WDR27: variants seen among roughly 807,000 people sequenced by gnomAD.
The protein encoded by WDR27 is WD repeat-containing protein 27.
WDR27 carries 100 observed loss-of-function variants against 114.4 expected under a neutral mutation model. The ratio of observed to expected loss-of-function variants is 0.87; its 90% CI spans 0.74 to 1.03. WDR27 has a LOEUF of 1.03. Among genes scored for constraint, WDR27 ranks in the 50% least tolerant of loss-of-function variants. The pLI is 0.00. For missense variants in WDR27, 1,129 were observed against 1,092.9 expected (o/e 1.03, Z -0.47); for synonymous variants, 449 against 423.1 (o/e 1.06, Z -0.75).
At chr6:169,513,979 A>C (rs576313360) in intron 25 of WDR27, among the ~76,000 whole-genome samples, 1 of 152,264 alleles carries the variant, frequency 6.6e-6, no homozygotes, top group African/African-American at 2.4e-5. Flanking sequence ...CTCTTATCTC[A>C]GAACTGCGGG....
chr6:169,500,877 C>T (rs1369298297), intron 25 of WDR27, among the ~76,000 whole-genome samples: 1 of 152,210 alleles, frequency 6.6e-6, no homozygotes, highest in Non-Finnish European at 1.5e-5. Context: ...AGCCCAGGGC[C>T]CCGTGCAGGG....
intron 25 of WDR27, among the ~76,000 whole-genome samples, chr6:169,560,223 C>T (rs1799494603): frequency 6.6e-6 from 1 of 152,144 alleles, no homozygotes; most frequent in Non-Finnish European, 1.5e-5. Flanking sequence ...ATGGTTTTAG[C>T]AGGGATTTCT....
At chr6:169,647,715 G>C in intron 16 of WDR27, 58 bp downstream of exon 16, 1 of 1,324,190 alleles carries the variant, frequency 7.6e-7, no homozygotes. Context: ...TTTACAGTGG[G>C]CAGAATCAAA....
intron 25 of WDR27, among the ~76,000 whole-genome samples, chr6:169,514,176 CACATAT>C (rs1180771616): frequency 6.6e-6 from 1 of 151,808 alleles, no homozygotes; most frequent in Admixed American, 6.6e-5. Flanking sequence ...TATATACATA[CACATAT>C]ACATATATAG....
At chr6:169,610,052 C>T (rs904576135) in intron 22 of WDR27, among the ~76,000 whole-genome samples, 2 of 152,184 alleles carry the variant, frequency 1.3e-5, no homozygotes, top group African/African-American at 4.8e-5. Flanking sequence ...TCCCTCATCT[C>T]CATCTGAGAC....
At chr6:169,661,727 G>C (rs945417675) in intron 9 of WDR27, among the ~76,000 whole-genome samples, 4 of 152,138 alleles carry the variant, frequency 2.6e-5, no homozygotes, top group African/African-American at 9.7e-5. Flanking sequence ...ACCAAGCAGG[G>C]AATATTCTGC....
chr6:169,631,271 C>T lies in WDR27; in HGVS notation c.2223+1676G>A, dbSNP rs75179151. On this transcript the variant is annotated intron_variant, in intron 21 of 25. Transcript: ENST00000448612. The stretch of plus-strand genomic sequence containing the variant: ...AAAAACATGTTTGCTCTGGTTTATA[C>T]GCAGGAAGAGTCTAAACAAAAAGAA... Among the ~76,000 whole-genome samples the T allele has an allele frequency of 4.6e-5, 7 of 152,174 alleles. No homozygotes were observed. The East Asian group carries it at 5.8e-4, about 13-fold the overall frequency.
rs865872953 is a variant in WDR27 at position 169,583,479 on chromosome 6, G to A, written c.2425-545C>T. Among the ~76,000 whole-genome samples the A allele has an allele frequency of 0.013, 171 of 12,680 alleles. 3 individuals carry two copies. The East Asian group carries it at 0.44, about 33-fold the overall frequency. The allele number at this position is 12,680 out of a possible 152,430, so 8.3% of individuals were successfully genotyped here. A position where few individuals can be genotyped will look rare whatever the true frequency, so the allele number is the denominator to read the frequency against. On this transcript the variant is annotated intron_variant, in intron 23 of 25. Transcript: ENST00000448612. ...CCTCTTTAATTGTGTGTGTGTGTGT[G>A]TATATATACATATATATATATATAT...
At chr6:169,548,048 C>A (rs1797673424) in intron 25 of WDR27, among the ~76,000 whole-genome samples, 1 of 151,902 alleles carries the variant, frequency 6.6e-6, no homozygotes, top group Non-Finnish European at 1.5e-5. Flanking sequence ...CAACAATGAA[C>A]AAGTGGAATT....
chr6:169,651,826 C>A, intron 14 of WDR27, 104 bp downstream of exon 14: 1 of 1,000,564 alleles, frequency 1.0e-6, no homozygotes. Flanking sequence ...GTCCTCTCTC[C>A]ATACTGTGGC....
intron 25 of WDR27, among the ~76,000 whole-genome samples, chr6:169,564,338 G>A (rs1800116224): frequency 6.6e-6 from 1 of 152,128 alleles, no homozygotes; most frequent in Non-Finnish European, 1.5e-5. Flanking sequence ...CATTGAGGGT[G>A]GGCCTGCCTT....
intron 25 of WDR27, among the ~76,000 whole-genome samples, chr6:169,552,278 G>A (rs749987923): frequency 6.6e-5 from 10 of 152,128 alleles, no homozygotes; most frequent in East Asian, 5.8e-4. Context: ...CATAGAACCC[G>A]TGGCCTTTTA....
At chr6:169,492,639 G>C (rs73789968) in intron 25 of WDR27, among the ~76,000 whole-genome samples, 3,441 of 151,748 alleles carry the variant, frequency 0.023, 140 homozygotes, top group African/African-American at 0.079. Flanking sequence ...GAGAAATTAC[G>C]ACTTACTTTC....
At chr6:169,448,871 G>C in the WDR27 span, among the ~76,000 whole-genome samples, 4 of 152,134 alleles carry the variant, frequency 2.6e-5, no homozygotes, top group African/African-American at 7.2e-5. Context: ...AGCAGAGCCC[G>C]GCCCACCCTT....
At chr6:169,554,396 CCT>C (rs1327996942) in intron 25 of WDR27, among the ~76,000 whole-genome samples, 5 of 152,172 alleles carry the variant, frequency 3.3e-5, no homozygotes, top group South Asian at 2.1e-4. Flanking sequence ...CAAAGCTGCC[CCT>C]GTCGGTGCTT....
At chr6:169,613,509 T>C in intron 22 of WDR27, 50 bp downstream of exon 22, 4 of 1,429,436 alleles carry the variant, frequency 2.8e-6, no homozygotes, top group Non-Finnish European at 3.9e-6. Flanking sequence ...ATTGAGCTTA[T>C]ATCTCTTGAG....
intron 25 of WDR27, among the ~76,000 whole-genome samples, chr6:169,495,641 T>C (rs748289011): frequency 2.6e-5 from 4 of 152,102 alleles, no homozygotes; most frequent in Non-Finnish European, 5.9e-5. Flanking sequence ...AGAGCAGCAC[T>C]ATGAACAACT....
the WDR27 span, among the ~76,000 whole-genome samples, chr6:169,427,307 C>T: frequency 1.3e-5 from 2 of 152,126 alleles, no homozygotes; most frequent in Admixed American, 6.5e-5. Context: ...AGTCAAGTCC[C>T]TGGGATTTAG....
chr6:169,698,133 C>T (rs982630905), intron 1 of WDR27, among the ~76,000 whole-genome samples: 1 of 152,210 alleles, frequency 6.6e-6, no homozygotes, highest in African/African-American at 2.4e-5. Flanking sequence ...GACGAGGAAG[C>T]ACCAGCCTGC....
Sources: allele counts gnomAD v4.1 joint callset (sites outside exome capture counted in the v4.1 genomes callset), GRCh38; gene constraint gnomAD v4.1.1; transcripts MANE v1.5; gene names NCBI Gene and HGNC (gene_info 2026-07-23, HGNC 2026-07-21).